The following IQCH variants were observed in gnomAD, a reference collection of about 807,000 sequenced individuals.
IQCH encodes the protein IQ motif containing H, also known as IQ domain-containing protein H.
In IQCH, 98 loss-of-function variants were observed where a neutral mutation model predicts 117.0. That is an observed-to-expected ratio of 0.84 (90% CI 0.71 to 0.99). The LOEUF (loss-of-function observed/expected upper bound fraction) is 0.99, where lower values mean the gene tolerates loss of function less well. Among genes scored for constraint, IQCH ranks in the 50% least tolerant of loss-of-function variants. The probability of loss-of-function intolerance (pLI) is 0.00; values close to 1 mark genes in which losing one functional copy is unlikely to be tolerated. For synonymous variants in IQCH, 412 were observed against 448.2 expected (o/e 0.92, Z 1.02); for missense variants, 1,102 against 1,243.8 (o/e 0.89, Z 1.72).
intron 16 of IQCH, among the ~76,000 whole-genome samples, chr15:67,435,893 G>T (rs1039664110): frequency 4.0e-5 from 6 of 151,704 alleles, no homozygotes; most frequent in Admixed American, 3.3e-4. Context: ...AGTCTATTCA[G>T]ATCCTTTGCC....
At chr15:67,378,282 G>T (rs1358186005) in intron 10 of IQCH, among the ~76,000 whole-genome samples, 1 of 151,790 alleles carries the variant, frequency 6.6e-6, no homozygotes, top group Admixed American at 6.6e-5. Context: ...GGAGTCACCT[G>T]ATACCCAGTT....
intron 6 of IQCH, among the ~76,000 whole-genome samples, chr15:67,347,898 T>TAG (rs1969478531): frequency 6.8e-6 from 1 of 147,738 alleles, no homozygotes; most frequent in Admixed American, 6.8e-5. Flanking sequence ...TGTTTATATA[T>TAG]ATAGAGAGAG....
intron 3 of IQCH, among the ~76,000 whole-genome samples, 169 bp from the exon 4 acceptor site, chr15:67,279,226 C>A (rs1048605080): frequency 6.6e-6 from 1 of 152,126 alleles, no homozygotes; most frequent in Non-Finnish European, 1.5e-5. Context: ...AAAACAACTG[C>A]AGTTTTACAG....
chr15:67,446,961 A>C (rs2082405088), intron 16 of IQCH, among the ~76,000 whole-genome samples: 1 of 152,190 alleles, frequency 6.6e-6, no homozygotes. Context: ...GGCTGCCAGC[A>C]TCACAGTGCC....
chr15:67,417,098 T>G lies in IQCH; in HGVS notation c.2218+47T>G, dbSNP rs1357233385. On this transcript the variant is annotated intron_variant, in intron 15 of 20. Transcript: ENST00000335894. The surrounding 1 kb of genome is among the most constrained non-coding windows in gnomAD (Gnocchi z 4.3). ...CTATTGAGGATTAGTCTACACAACC[T>G]TGGATTCTAGTTTTGGGTCAACTGG... The G allele has an allele frequency of 2.7e-6, 4 of 1,506,258 alleles. No homozygotes were observed. In the African/African-American group the frequency reaches 5.7e-5, roughly 21 times the overall value. The allele number at this position is 1,506,258 out of a possible 1,614,324, so 93.3% of individuals were successfully genotyped here. A position where few individuals can be genotyped will look rare whatever the true frequency, so the allele number is the denominator to read the frequency against.
At chr15:67,444,826 T>G (rs2082357548) in intron 16 of IQCH, among the ~76,000 whole-genome samples, 2 of 152,172 alleles carry the variant, frequency 1.3e-5, no homozygotes, top group African/African-American at 4.8e-5. Context: ...AATTTCAAAC[T>G]TTTTTGCCAA....
rs1371099368 is a variant in IQCH, at chr15:67,456,553, A to G, written c.2506-8574A>G. ...TTTAGTTTTAGAGATTCCATCCTAC[A>G]TCGTATCAAATGTATTAAAAATCCA... On this transcript the variant is annotated intron_variant, in intron 16 of 20. Coordinates refer to ENST00000335894, the MANE Select transcript of IQCH (RefSeq NM_001031715.3). This position sits in a 1 kb window ranked among gnomAD's most constrained non-coding sequence, Gnocchi z 5.1. Among the ~76,000 whole-genome samples, 1 of 152,150 alleles carries G rather than the reference A, an allele frequency of 6.6e-6. No homozygotes were observed. The highest frequency in any genetic ancestry group is 1.5e-5 in the Non-Finnish European group (1 of 68,026).
At position 67,388,294 on chromosome 15, in the gene IQCH, G is replaced by A. The variant is rs976067081; in HGVS notation, c.1457-537G>A. Among the ~76,000 whole-genome samples the A allele has an allele frequency of 5.9e-5, 9 of 152,264 alleles. No homozygotes were observed. The highest frequency in any genetic ancestry group is 2.2e-4 in the African/African-American group (9 of 41,544). On this transcript the variant is annotated intron_variant, in intron 11 of 20. Coordinates refer to ENST00000335894, the MANE Select transcript of IQCH (RefSeq NM_001031715.3). This position sits in a 1 kb window ranked among gnomAD's most constrained non-coding sequence, Gnocchi z 5.5. The stretch of plus-strand genomic sequence containing the variant: ...TATTTAAGTAATGTACTCCTCTTTG[G>A]GAATCAAGCAAGGGAAAGGCTGGTT...
chr15:67,319,166 G>A (rs1333771491), intron 4 of IQCH, among the ~76,000 whole-genome samples: 1 of 152,184 alleles, frequency 6.6e-6, no homozygotes. Context: ...GGCGGAGCTT[G>A]CAGTGAGCCG....
In IQCH at chr15:67,395,488, T is replaced by G; in HGVS notation, c.1830T>G (p.Ser610=). ...TAGCTCATCTTTATAGTACCAAATC[T>G]GGAGGCAAACGTGTCTTTGACAGTG... ...PELAHLYSTK[S]GGKRVFDSAN... Residue 610 remains serine (S), a synonymous_variant, in exon 13 of 21, where the codon TCT becomes TCG. Transcript: ENST00000335894. The surrounding 1 kb of genome is among the most constrained non-coding windows in gnomAD (Gnocchi z 4.0). 9 of 1,614,072 alleles carry G rather than the reference T, an allele frequency of 5.6e-6. No homozygotes were observed. Among genetic ancestry groups the G allele is most frequent in the Non-Finnish European group, 7.6e-6 (9 of 1,179,964 alleles).
At chr15:67,464,317 T>C (rs1310444875) in intron 16 of IQCH, among the ~76,000 whole-genome samples, 2 of 152,232 alleles carry the variant, frequency 1.3e-5, no homozygotes, top group Admixed American at 1.3e-4. Context: ...AAGTAACACA[T>C]GACCTACTTT....
chr15:67,328,418 T>G (rs370202640), intron 4 of IQCH, among the ~76,000 whole-genome samples: 7 of 152,320 alleles, frequency 4.6e-5, no homozygotes, highest in African/African-American at 1.7e-4. Flanking sequence ...AGTTTTGAAT[T>G]GCATAATGCC....
intron 14 of IQCH, among the ~76,000 whole-genome samples, chr15:67,414,970 G>A (rs538784478): frequency 3.3e-5 from 5 of 152,210 alleles, no homozygotes; most frequent in Non-Finnish European, 5.9e-5. Flanking sequence ...AGAGAAGAGT[G>A]GGATTCTAAC....
chr15:67,452,838 T>G (rs1318877247), intron 16 of IQCH, among the ~76,000 whole-genome samples: 1 of 152,196 alleles, frequency 6.6e-6, no homozygotes, highest in East Asian at 1.9e-4. Context: ...TTGGTTCCAT[T>G]CTCCCCATCA....
At chr15:67,374,327 C>A (rs1970666637) in intron 10 of IQCH, among the ~76,000 whole-genome samples, 1 of 152,166 alleles carries the variant, frequency 6.6e-6, no homozygotes, top group Non-Finnish European at 1.5e-5. Context: ...TACATATTAG[C>A]TCTTTGTTAA....
intron 4 of IQCH, among the ~76,000 whole-genome samples, chr15:67,285,897 C>T (rs1006085112): frequency 1.3e-5 from 2 of 152,106 alleles, no homozygotes; most frequent in Non-Finnish European, 2.9e-5. Flanking sequence ...CCTCTTTGCT[C>T]AGGATAGCTT....
In IQCH at chr15:67,258,531, C is replaced by CAA. The variant is rs63140861; in HGVS notation, c.52-2728_52-2727dup. 4.9e-3 allele frequency among the ~76,000 whole-genome samples: 670 copies of CAA among 137,244 alleles called. 4 individuals are homozygous for CAA. Among genetic ancestry groups the CAA allele is most frequent in the Middle Eastern group, 0.011 (3 of 268 alleles). The allele number at this position is 137,244 out of a possible 152,430, so 90.0% of individuals were successfully genotyped here. ...GGGGGACAAGAGTGAGACTTCATCT[C>CAA]AAAAAAAAAAAAAAGAATGAAGTTA... On this transcript the variant is annotated intron_variant, in intron 1 of 20. Coordinates refer to ENST00000335894, the MANE Select transcript of IQCH (RefSeq NM_001031715.3).
chr15:67,270,958 T>A (rs4776352), intron 3 of IQCH, among the ~76,000 whole-genome samples: 151,428 of 152,320 alleles, frequency 0.99, 75,282 homozygotes, highest in Non-Finnish European at 1. Context: ...GACTGTGTTA[T>A]ATCATCCTTG....
intron 14 of IQCH, among the ~76,000 whole-genome samples, chr15:67,402,349 C>CT (rs952441781): frequency 2.2e-4 from 33 of 152,134 alleles, no homozygotes; most frequent in Admixed American, 1.1e-3. Flanking sequence ...AAAGGTGCCT[C>CT]TTTTTTTGTA....
Sources: allele counts gnomAD v4.1 joint callset (sites outside exome capture counted in the v4.1 genomes callset), GRCh38; gene constraint gnomAD v4.1.1; non-coding constraint Gnocchi (gnomAD v3.1); transcripts MANE v1.5; gene names NCBI Gene and HGNC (gene_info 2026-07-23, HGNC 2026-07-21).